ADAMTSL1: variants seen among roughly 807,000 people sequenced by gnomAD.
The protein encoded by ADAMTSL1 is ADAMTS-like protein 1.
A neutral mutation model predicts 201.8 loss-of-function variants in ADAMTSL1; 126 were observed. That is an observed-to-expected ratio of 0.62 (90% CI 0.54 to 0.72). The LOEUF (loss-of-function observed/expected upper bound fraction) is 0.72, where lower values mean the gene tolerates loss of function less well. Among genes scored for constraint, ADAMTSL1 ranks in the 30% least tolerant of loss-of-function variants. The probability of loss-of-function intolerance (pLI) is 0.00; values close to 1 mark genes in which losing one functional copy is unlikely to be tolerated. For missense variants in ADAMTSL1, 2,679 were observed against 2,277.8 expected (o/e 1.18, Z -3.59); for synonymous variants, 1,121 against 903.4 (o/e 1.24, Z -4.32).
chr9:18,016,429 G>A (rs1451436344), intron 1 of ADAMTSL1, among the ~76,000 whole-genome samples: 3 of 151,950 alleles, frequency 2.0e-5, no homozygotes, highest in Admixed American at 1.3e-4. Flanking sequence ...TCTTCATGGT[G>A]TGGTATGGAT....
At chr9:18,084,362 A>C (rs1024238181) in intron 1 of ADAMTSL1, among the ~76,000 whole-genome samples, 2 of 151,168 alleles carry the variant, frequency 1.3e-5, no homozygotes, top group Non-Finnish European at 2.9e-5. Flanking sequence ...TCTCTACTAA[A>C]AATGCAAAAA....
intron 2 of ADAMTSL1, among the ~76,000 whole-genome samples, chr9:18,393,507 C>T (rs777893114): frequency 1.3e-5 from 2 of 152,182 alleles, no homozygotes; most frequent in African/African-American, 2.4e-5. Context: ...ATGTCTGAGT[C>T]ATAGTTCTTC....
At chr9:18,598,240 T>C (rs1445337494) in intron 4 of ADAMTSL1, among the ~76,000 whole-genome samples, 2 of 152,190 alleles carry the variant, frequency 1.3e-5, no homozygotes, top group Non-Finnish European at 2.9e-5. Flanking sequence ...TTGTTTTATT[T>C]TATTTTATAT....
chr9:18,330,227 A>C (rs1478428326), intron 2 of ADAMTSL1, among the ~76,000 whole-genome samples: 2 of 152,168 alleles, frequency 1.3e-5, no homozygotes, highest in East Asian at 1.9e-4. Context: ...TGACACAGTT[A>C]AGTCTTCAAT....
chr9:18,832,435 G>A (rs2131274361), intron 23 of ADAMTSL1, among the ~76,000 whole-genome samples: 1 of 152,296 alleles, frequency 6.6e-6, no homozygotes, highest in South Asian at 2.1e-4. Flanking sequence ...TGTACTACCT[G>A]GGGAACGGGA....
At chr9:18,649,765 G>A (rs903874318) in intron 7 of ADAMTSL1, among the ~76,000 whole-genome samples, 3 of 152,034 alleles carry the variant, frequency 2.0e-5, no homozygotes, top group Admixed American at 6.5e-5. Flanking sequence ...TCTCAGAGGA[G>A]TACCCCGCCG....
chr9:18,662,409 C>T (rs964151429), intron 9 of ADAMTSL1, among the ~76,000 whole-genome samples: 2 of 152,136 alleles, frequency 1.3e-5, no homozygotes, highest in African/African-American at 4.8e-5. Flanking sequence ...ACGTTCTTAA[C>T]CAATGTGATG....
chr9:18,684,538 T>C (rs1227203835), intron 12 of ADAMTSL1, among the ~76,000 whole-genome samples, 178 bp from the exon 13 acceptor site: 8 of 152,230 alleles, frequency 5.3e-5, no homozygotes, highest in African/African-American at 1.9e-4. Flanking sequence ...TTATTAAACA[T>C]TTTAAAATTC....
At chr9:18,882,991 CAA>C (rs34408343) in intron 23 of ADAMTSL1, among the ~76,000 whole-genome samples, 1,663 of 113,694 alleles carry the variant, frequency 0.015, 28 homozygotes, top group East Asian at 0.041. Flanking sequence ...GAGCCTGCCT[CAA>C]AAAAAAAAAA....
chr9:18,193,185 G>T (rs1390237315), intron 2 of ADAMTSL1, among the ~76,000 whole-genome samples: 2 of 152,094 alleles, frequency 1.3e-5, no homozygotes, highest in African/African-American at 2.4e-5. Flanking sequence ...TAACTTTCAA[G>T]ATTGTATTCA....
intron 2 of ADAMTSL1, among the ~76,000 whole-genome samples, chr9:18,259,462 A>C (rs533830952): frequency 3.4e-4 from 52 of 151,878 alleles, no homozygotes; most frequent in Admixed American, 1.1e-3. Flanking sequence ...CAGTAAGCTA[A>C]TATCCTGCCA....
intron 23 of ADAMTSL1, among the ~76,000 whole-genome samples, chr9:18,870,976 C>A (rs570215479): frequency 3.9e-5 from 6 of 152,104 alleles, no homozygotes; most frequent in Non-Finnish European, 8.8e-5. Context: ...AACCTCTTTT[C>A]TAATTCTTTA....
At chr9:18,295,672 T>G (rs182810568) in intron 2 of ADAMTSL1, among the ~76,000 whole-genome samples, 1 of 152,316 alleles carries the variant, frequency 6.6e-6, no homozygotes, top group African/African-American at 2.4e-5. Context: ...TGTGTCTTCA[T>G]TCCCTTGGAA....
At chr9:18,126,476 CTG>C (rs1825733049) in intron 1 of ADAMTSL1, among the ~76,000 whole-genome samples, 2 of 152,194 alleles carry the variant, frequency 1.3e-5, no homozygotes, top group Admixed American at 6.5e-5. Context: ...CTTTATCACA[CTG>C]TACTGCAGCC....
intron 2 of ADAMTSL1, among the ~76,000 whole-genome samples, chr9:18,205,722 T>C (rs1315605665): frequency 1.3e-5 from 2 of 152,042 alleles, no homozygotes; most frequent in Non-Finnish European, 2.9e-5. Flanking sequence ...CCCAAACTCA[T>C]AGTCTCATGA....
intron 2 of ADAMTSL1, among the ~76,000 whole-genome samples, chr9:18,404,038 A>G (rs938261286): frequency 6.6e-6 from 1 of 152,184 alleles, no homozygotes; most frequent in African/African-American, 2.4e-5. Context: ...CTTCTGTTCC[A>G]TCATTTTATG....
intron 22 of ADAMTSL1, among the ~76,000 whole-genome samples, chr9:18,828,538 C>T (rs1389161099): frequency 6.6e-6 from 1 of 150,918 alleles, no homozygotes; most frequent in African/African-American, 2.4e-5. Context: ...AAAACTAAGG[C>T]TCTGAGGACT....
At chr9:17,955,255 A>G (rs537836077) in intron 1 of ADAMTSL1, among the ~76,000 whole-genome samples, 2 of 152,268 alleles carry the variant, frequency 1.3e-5, no homozygotes, top group South Asian at 4.2e-4. Context: ...GCCTTTCAGG[A>G]TGCTGCATCA....
intron 13 of ADAMTSL1, 182 bp downstream of exon 13, chr9:18,684,982 A>G (rs1020371488): frequency 2.8e-5 from 38 of 1,373,656 alleles, no homozygotes; most frequent in Non-Finnish European, 7.5e-6. Context: ...TGATGATTGC[A>G]TTGTAAATAC....
Sources: gnomAD v4.1 joint callset for allele counts (sites outside exome capture counted in the v4.1 genomes callset) on GRCh38, gnomAD v4.1.1 for gene constraint, MANE v1.5 for transcripts, NCBI Gene and HGNC (gene_info 2026-07-23, HGNC 2026-07-21) for gene names.